SLIT3: variants seen among roughly 807,000 people sequenced by gnomAD.
SLIT3 encodes slit guidance ligand 3, also known as slit homolog 3 protein.
In SLIT3, 68 loss-of-function variants were observed where a neutral mutation model predicts 184.0. The ratio of observed to expected loss-of-function variants is 0.37; its 90% CI spans 0.30 to 0.45. The LOEUF (loss-of-function observed/expected upper bound fraction) is 0.45. SLIT3 is among the 20% of genes least tolerant of loss of function. The probability of loss-of-function intolerance (pLI) is 1.00; values close to 1 mark genes in which losing one functional copy is unlikely to be tolerated. For missense variants in SLIT3, 1,707 were observed against 2,026.0 expected, an observed-to-expected ratio of 0.84 and a Z score of 3.02; for synonymous variants, 831 against 828.6, an observed-to-expected ratio of 1.00 and a Z score of -0.05.
At chr5:168,918,805 GATTTA>G (rs1418110443) in intron 4 of SLIT3, among the ~76,000 whole-genome samples, 6 of 152,122 alleles carry the variant, frequency 3.9e-5, no homozygotes, top group Admixed American at 1.3e-4. Context: ...AAGAACTCTG[GATTTA>G]ATTTATGTGT....
chr5:169,241,881 C>T (rs1285296365), intron 3 of SLIT3, among the ~76,000 whole-genome samples: 1 of 152,154 alleles, frequency 6.6e-6, no homozygotes, highest in Non-Finnish European at 1.5e-5. Flanking sequence ...GGACAGACTT[C>T]CTTTCCCTTT....
chr5:168,813,984 T>G (rs572103774), intron 8 of SLIT3, among the ~76,000 whole-genome samples: 8 of 152,336 alleles, frequency 5.3e-5, no homozygotes, highest in African/African-American at 1.7e-4. Flanking sequence ...TCCTCCTGAG[T>G]GGATGACCTC....
At chr5:168,834,565 GC>G (rs1757979928) in intron 6 of SLIT3, among the ~76,000 whole-genome samples, 2 of 151,442 alleles carry the variant, frequency 1.3e-5, no homozygotes, top group South Asian at 4.2e-4. Flanking sequence ...GGTGGTGCAT[GC>G]CTGTAATTCC....
intron 14 of SLIT3, among the ~76,000 whole-genome samples, chr5:168,770,590 T>C (rs1372664199): frequency 6.6e-6 from 1 of 152,186 alleles, no homozygotes; most frequent in Non-Finnish European, 1.5e-5. Context: ...AATAGAGTGC[T>C]ACGTGTCAGT....
At chr5:168,965,395 C>G (rs753704694) in intron 4 of SLIT3, among the ~76,000 whole-genome samples, 10 of 152,134 alleles carry the variant, frequency 6.6e-5, no homozygotes, top group African/African-American at 2.4e-4. Flanking sequence ...AAGGAGCAAA[C>G]GTTCAGGCTT....
chr5:168,802,483 A>G (rs1051204713), intron 9 of SLIT3, among the ~76,000 whole-genome samples: 1 of 152,244 alleles, frequency 6.6e-6, no homozygotes, highest in African/African-American at 2.4e-5. Flanking sequence ...CACAGCAAGA[A>G]AAGTCCTCGG....
rs143823001 is a variant in SLIT3, at chr5:168,846,698, A to G, written c.486-2043T>C. Among the ~76,000 whole-genome samples, 1,000 of 152,328 alleles carry G rather than the reference A, an allele frequency of 6.6e-3. 11 individuals carry two copies. Among genetic ancestry groups the G allele is most frequent in the African/African-American group, 0.023 (952 of 41,572 alleles). ...ACATTGGGAAGTCTGGGGTGTGTAG[A>G]GATGGCAGTTTGTGGTGCATTGGTT... On this transcript the variant is annotated intron_variant, in intron 5 of 35. Transcript: ENST00000519560.
rs146810531 is a variant in SLIT3, at chr5:168,911,513, T to C, written c.414-28177A>G. Among the ~76,000 whole-genome samples the C allele has an allele frequency of 1.6e-4, 25 of 152,340 alleles. No homozygotes were observed. In the East Asian group the frequency reaches 2.1e-3, roughly 13 times the overall value. ...TTAAATGCATAGCTTAGGAAGTTAT[T>C]TCTTGAAACCGGCTCGCCACATACA... On this transcript the variant is annotated intron_variant, in intron 4 of 35. Transcript: ENST00000519560.
chr5:169,059,300 G>A (rs993953801), intron 4 of SLIT3, among the ~76,000 whole-genome samples: 3 of 152,102 alleles, frequency 2.0e-5, no homozygotes, highest in African/African-American at 7.2e-5. Context: ...CAGAGACAGG[G>A]AGCTCACCGT....
At chr5:168,816,504 C>T (rs1457460537) in intron 8 of SLIT3, among the ~76,000 whole-genome samples, 5 of 150,926 alleles carry the variant, frequency 3.3e-5, no homozygotes, top group Admixed American at 6.6e-5. Flanking sequence ...TGTTTTAAAG[C>T]TACATCCCCT....
At chr5:169,233,618 C>T (rs1001468095) in intron 3 of SLIT3, among the ~76,000 whole-genome samples, 5 of 152,208 alleles carry the variant, frequency 3.3e-5, no homozygotes, top group South Asian at 2.1e-4. Flanking sequence ...CTGCACATAC[C>T]GCACACGTAC....
In SLIT3 at chr5:168,666,702, T is replaced by C; in HGVS notation, c.4337-13A>G. On this transcript the variant is annotated splice_polypyrimidine_tract_variant and intron_variant, in intron 35 of 35. Coordinates refer to ENST00000519560, the MANE Select transcript of SLIT3 (RefSeq NM_003062.4). ...AGGCACGGATTCTCTGCAGAGGGCATAGAAGTCAGGGCATTGGTGGTCTAG... is the reference window on the plus strand; with the variant it reads ...AGGCACGGATTCTCTGCAGAGGGCACAGAAGTCAGGGCATTGGTGGTCTAG... The C allele has an allele frequency of 6.2e-7, 1 of 1,614,052 alleles. No homozygotes were observed. The highest frequency in any genetic ancestry group is 8.5e-7 in the Non-Finnish European group (1 of 1,180,012).
chr5:169,227,144 G>A (rs1392992971), intron 3 of SLIT3, among the ~76,000 whole-genome samples: 1 of 152,140 alleles, frequency 6.6e-6, no homozygotes, highest in Non-Finnish European at 1.5e-5. Context: ...AGTGGGCACT[G>A]GCATATATAG....
chr5:169,043,215 A>G (rs1218298056), intron 4 of SLIT3, among the ~76,000 whole-genome samples: 2 of 152,220 alleles, frequency 1.3e-5, no homozygotes, highest in African/African-American at 2.4e-5. Flanking sequence ...TGGAATTCAA[A>G]GCCAAAGTCA....
At chr5:168,972,232 A>G (rs1754599022) in intron 4 of SLIT3, among the ~76,000 whole-genome samples, 1 of 151,910 alleles carries the variant, frequency 6.6e-6, no homozygotes, top group African/African-American at 2.4e-5. Flanking sequence ...ATGGTGCAGG[A>G]TGAGGTTGGG....
intron 3 of SLIT3, among the ~76,000 whole-genome samples, chr5:169,234,776 T>A (rs535458864): frequency 7.2e-5 from 11 of 152,290 alleles, no homozygotes; most frequent in Non-Finnish European, 1.3e-4. Flanking sequence ...TTCTTGAATG[T>A]TCATAATAGG....
At chr5:168,898,289 C>T (rs886647321) in intron 4 of SLIT3, among the ~76,000 whole-genome samples, 1 of 152,074 alleles carries the variant, frequency 6.6e-6, no homozygotes, top group Non-Finnish European at 1.5e-5. Context: ...TCCCTCTGAG[C>T]AGCGCCACTT....
At chr5:168,886,069 C>T (rs566078130) in intron 4 of SLIT3, among the ~76,000 whole-genome samples, 2 of 152,318 alleles carry the variant, frequency 1.3e-5, no homozygotes, top group African/African-American at 4.8e-5. Context: ...CTTCCCATCT[C>T]CCTGTCACTG....
intron 4 of SLIT3, among the ~76,000 whole-genome samples, chr5:169,189,983 C>G (rs901507692): frequency 6.6e-6 from 1 of 152,210 alleles, no homozygotes; most frequent in Non-Finnish European, 1.5e-5. Flanking sequence ...ATGCTCAATA[C>G]ACTAGCAGAC....
Sources: gnomAD v4.1 joint callset for allele counts (sites outside exome capture counted in the v4.1 genomes callset) on GRCh38, gnomAD v4.1.1 for gene constraint, MANE v1.5 for transcripts, NCBI Gene and HGNC (gene_info 2026-07-23, HGNC 2026-07-21) for gene names.